The following FRAS1 variants were observed in gnomAD, a reference collection of about 807,000 sequenced individuals.
The protein encoded by FRAS1 is Fraser extracellular matrix complex subunit 1, also known as extracellular matrix organizing protein FRAS1.
A neutral mutation model predicts 435.2 loss-of-function variants in FRAS1; 290 were observed. The ratio of observed to expected loss-of-function variants is 0.67; its 90% CI spans 0.61 to 0.73. FRAS1 has a LOEUF of 0.73. Ranked by LOEUF, FRAS1 falls within the 30% of genes least tolerant of loss-of-function variation. The pLI, the probability that FRAS1 is intolerant of heterozygous loss-of-function variation, is 0.00. For missense variants in FRAS1, 4,860 were observed against 5,001.5 expected, an observed-to-expected ratio of 0.97 and a Z score of 0.85; for synonymous variants, 1,800 against 1,851.0, an observed-to-expected ratio of 0.97 and a Z score of 0.71.
chr4:78,271,435 G>A (rs951678933), intron 9 of FRAS1, among the ~76,000 whole-genome samples: 2 of 152,006 alleles, frequency 1.3e-5, no homozygotes, highest in African/African-American at 2.4e-5. Flanking sequence ...TTTAGCATTA[G>A]GTATATCTCC....
chr4:78,257,805 T>C (rs1725859607), intron 6 of FRAS1, among the ~76,000 whole-genome samples: 1 of 152,192 alleles, frequency 6.6e-6, no homozygotes, highest in African/African-American at 2.4e-5. Flanking sequence ...CTTGTGTTCA[T>C]ATAAGGGGTT....
intron 2 of FRAS1, among the ~76,000 whole-genome samples, chr4:78,195,243 T>C (rs769364472): frequency 6.6e-6 from 1 of 152,238 alleles, no homozygotes; most frequent in Non-Finnish European, 1.5e-5. Flanking sequence ...GGAGGCAGTC[T>C]GTCCGTTCTC....
chr4:78,499,797 C>T lies in FRAS1; in HGVS notation c.9192C>T (p.Asn3064=). Residue 3064 remains asparagine (N), a synonymous_variant, in exon 61 of 74, where the codon AAC becomes AAT. Coordinates refer to ENST00000512123, the MANE Select transcript of FRAS1 (RefSeq NM_025074.7). ...GCCCAGATGCCATTGCGATTCTGAA[C>T]ATCAAGGTGATCCGCAGAGGGGATC... ...PAGPDAIAIL[N]IKVIRRGDQN... 6.2e-7 allele frequency: 1 copy of T among 1,613,928 alleles called. No homozygotes were observed. Among genetic ancestry groups the T allele is most frequent in the Middle Eastern group, 1.6e-4 (1 of 6,062 alleles).
At chr4:78,256,425 A>C (rs1372304870) in intron 6 of FRAS1, among the ~76,000 whole-genome samples, 1 of 152,192 alleles carries the variant, frequency 6.6e-6, no homozygotes, top group Admixed American at 6.5e-5. Context: ...AGGCATTCTG[A>C]TTAAGCCCAT....
intron 20 of FRAS1, among the ~76,000 whole-genome samples, chr4:78,362,533 C>G (rs564172541): frequency 6.6e-6 from 1 of 152,324 alleles, no homozygotes; most frequent in East Asian, 1.9e-4. Flanking sequence ...GGCATGTTGC[C>G]TCAAGGGAAA....
At chr4:78,181,325 T>A in intron 2 of FRAS1, 1 of 1,609,984 alleles carries the variant, frequency 6.2e-7, no homozygotes, top group Non-Finnish European at 8.5e-7. Flanking sequence ...AGGTGTTTCG[T>A]CAGTCACATT....
chr4:78,238,196 A>G (rs938980386), intron 3 of FRAS1, among the ~76,000 whole-genome samples: 5 of 152,130 alleles, frequency 3.3e-5, no homozygotes, highest in African/African-American at 1.2e-4. Context: ...CTTTGACTCA[A>G]TAAATCTCCT....
rs571835773 is a variant in FRAS1, at chr4:78,285,213, A to G, written c.1399+665A>G. On this transcript the variant is annotated intron_variant, in intron 13 of 73. Transcript: ENST00000512123. Reference sequence around the variant, plus strand: ...ATTATCCATTTTAAAGTGTGTAATTAGCCAGGTGTGGTGGCGCACGCCTGT... The same window carrying G: ...ATTATCCATTTTAAAGTGTGTAATTGGCCAGGTGTGGTGGCGCACGCCTGT... Among the ~76,000 whole-genome samples, 4 of 151,936 alleles carry G rather than the reference A, an allele frequency of 2.6e-5. No individual in the cohort carries two copies. The South Asian group carries it at 8.3e-4, about 32-fold the overall frequency.
Position 78,407,817 on chromosome 4 carries a change from C to T in FRAS1, c.4284C>T (p.Ala1428=). The change falls in exon 31 of 74, where the codon GCC becomes GCT. Residue 1428 remains alanine, a synonymous_variant. Coordinates refer to ENST00000512123, the MANE Select transcript of FRAS1 (RefSeq NM_025074.7). ...IVWYRHSGAP[A]QSDSFRFEVS... is the part of the protein sequence containing the mutation. ...GGTACAGGCACTCAGGAGCCCCAGC[C>T]CAGAGCGACTCCTTCCGCTTCGAGG... 1 of 1,608,354 alleles carries T rather than the reference C, an allele frequency of 6.2e-7. No homozygotes were observed. The highest frequency in any genetic ancestry group is 1.1e-5 in the South Asian group (1 of 89,796).
intron 4 of FRAS1, among the ~76,000 whole-genome samples, chr4:78,246,738 G>T (rs1725265482): frequency 9.5e-6 from 1 of 105,604 alleles, no homozygotes; most frequent in Admixed American, 1.0e-4. Flanking sequence ...ATAAGTCCAG[G>T]ATCTGGGGGA....
intron 61 of FRAS1, among the ~76,000 whole-genome samples, chr4:78,506,536 TG>T (rs71661171): frequency 0.33 from 50,000 of 152,094 alleles, 8,955 homozygotes; most frequent in South Asian, 0.52. Flanking sequence ...CAAAGCTCCA[TG>T]GGTATGGAAC....
At chr4:78,506,150 G>A (rs1720832718) in intron 61 of FRAS1, among the ~76,000 whole-genome samples, 1 of 152,328 alleles carries the variant, frequency 6.6e-6, no homozygotes, top group Middle Eastern at 3.4e-3. Flanking sequence ...GCACCTATAT[G>A]TGGTGTCCGT....
chr4:78,138,489 G>A (rs1720021159), intron 2 of FRAS1, among the ~76,000 whole-genome samples: 1 of 152,050 alleles, frequency 6.6e-6, no homozygotes, highest in Non-Finnish European at 1.5e-5. Context: ...ATATCTGGAG[G>A]GTTATGCAAT....
intron 2 of FRAS1, among the ~76,000 whole-genome samples, chr4:78,212,985 C>T (rs569057146): frequency 3.0e-4 from 46 of 152,262 alleles, no homozygotes; most frequent in Middle Eastern, 3.4e-3. Context: ...CCTAGTTGGC[C>T]GTGCATCTAG....
chr4:78,124,332 C>T (rs1049170585), intron 2 of FRAS1, among the ~76,000 whole-genome samples: 5 of 152,146 alleles, frequency 3.3e-5, no homozygotes, highest in South Asian at 2.1e-4. Context: ...CCAACTTGAT[C>T]GTGGTGGATA....
intron 64 of FRAS1, 23 bp downstream of exon 64, chr4:78,511,529 CCA>C: frequency 1.3e-6 from 2 of 1,531,408 alleles, no homozygotes; most frequent in Non-Finnish European, 1.8e-6. Context: ...GTGCCTTCCA[CCA>C]CACATAGATT....
intron 2 of FRAS1, among the ~76,000 whole-genome samples, chr4:78,160,722 T>A (rs1002433659): frequency 1.3e-5 from 2 of 152,234 alleles, no homozygotes; most frequent in African/African-American, 2.4e-5. Flanking sequence ...AACAATAAGG[T>A]AGAATGTATT....
At chr4:78,207,649 C>G (rs12513080) in intron 2 of FRAS1, among the ~76,000 whole-genome samples, 43,421 of 151,990 alleles carry the variant, frequency 0.29, 7,285 homozygotes, top group South Asian at 0.53. Flanking sequence ...TATAATAGGT[C>G]AGTGAGCTAA....
At chr4:78,220,089 T>G (rs934438989) in intron 2 of FRAS1, among the ~76,000 whole-genome samples, 1 of 152,208 alleles carries the variant, frequency 6.6e-6, no homozygotes, top group Non-Finnish European at 1.5e-5. Flanking sequence ...TGAAGACTCC[T>G]CTCATTTTAT....
Sources: gnomAD v4.1 joint callset for allele counts (sites outside exome capture counted in the v4.1 genomes callset) on GRCh38, gnomAD v4.1.1 for gene constraint, MANE v1.5 for transcripts, NCBI Gene and HGNC (gene_info 2026-07-23, HGNC 2026-07-21) for gene names.